The following IGSF9B variants were observed in gnomAD, a reference collection of about 807,000 sequenced individuals.
The protein encoded by IGSF9B is protein turtle homolog B.
IGSF9B carries 48 observed loss-of-function variants against 143.7 expected under a neutral mutation model. That is an observed-to-expected ratio of 0.33 (90% CI 0.26 to 0.42). The LOEUF (loss-of-function observed/expected upper bound fraction) is 0.42. Ranked by LOEUF, IGSF9B falls within the 20% of genes least tolerant of loss-of-function variation. The probability of loss-of-function intolerance (pLI) is 1.00; values close to 1 mark genes in which losing one functional copy is unlikely to be tolerated. For missense variants in IGSF9B, 1,706 were observed against 1,980.0 expected (o/e 0.86, Z 2.63); for synonymous variants, 903 against 833.1 (o/e 1.08, Z -1.44).
rs566295336 is a variant in IGSF9B, at chr11:133,948,924, C to T, written c.65-2666G>A. Among the ~76,000 whole-genome samples, 4 of 152,254 alleles carry T rather than the reference C, an allele frequency of 2.6e-5. No homozygotes were observed. The highest frequency in any genetic ancestry group is 2.1e-4 in the South Asian group (1 of 4,828). The stretch of plus-strand genomic sequence containing the variant: ...ACGCCAGGAGGTGGGTTGGCTTTGA[C>T]GTGGGTTCCCGCTGTGAGGCTGCTC... On this transcript the variant is annotated intron_variant, in intron 1 of 19. Transcript: ENST00000533871. The surrounding 1 kb of genome is among the most constrained non-coding windows in gnomAD (Gnocchi z 4.7).
Position 133,946,792 on chromosome 11 carries a change from G to A in IGSF9B, c.65-534C>T, listed in dbSNP as rs141637613. ...CTCCACCCCACCCCCAGCTCAGCCC[G>A]ATGTGCATGGCACAAAACAAGGGTA... On this transcript the variant is annotated intron_variant, in intron 1 of 19. Transcript: ENST00000533871. Among the ~76,000 whole-genome samples, 64 of 152,196 alleles carry A rather than the reference G, an allele frequency of 4.2e-4. No homozygotes were observed. The East Asian group carries it at 6.0e-3, about 14-fold the overall frequency.
intron 2 of IGSF9B, 54 bp from the exon 3 acceptor site, chr11:133,944,420 C>A: frequency 6.3e-7 from 1 of 1,575,920 alleles, no homozygotes; most frequent in Non-Finnish European, 8.7e-7. Context: ...AGGACAGCAG[C>A]TCCCCGCCCC....
chr11:133,950,442 G>C (rs1004310734), intron 1 of IGSF9B, among the ~76,000 whole-genome samples: 5 of 152,232 alleles, frequency 3.3e-5, no homozygotes. Flanking sequence ...TGAAAAATGA[G>C]CAAACGGGGA....
rs1939125765 is a variant in IGSF9B at position 133,901,819 on chromosome 11, A to G, written c.*7250T>C. ...ACACCACACACAACAGACACACCAC[A>G]CCACACACACAAACACACACACACC... On this transcript the variant is annotated 3_prime_UTR_variant, in exon 20 of 20. Coordinates refer to ENST00000533871, the MANE Select transcript of IGSF9B (RefSeq NM_001277285.4). 6.7e-6 allele frequency among the ~76,000 whole-genome samples: 1 copy of G among 149,096 alleles called. No individual in the cohort carries two copies. Among genetic ancestry groups the G allele is most frequent in the Admixed American group, 6.7e-5 (1 of 14,900 alleles).
chr11:133,947,191 C>T (rs1940069932), intron 1 of IGSF9B, among the ~76,000 whole-genome samples: 1 of 152,160 alleles, frequency 6.6e-6, no homozygotes, highest in Admixed American at 6.5e-5. Context: ...AGAGGAAGAG[C>T]CACGCACCCC....
At chr11:133,950,499 C>T (rs991832302) in intron 1 of IGSF9B, among the ~76,000 whole-genome samples, 2 of 152,248 alleles carry the variant, frequency 1.3e-5, no homozygotes. Flanking sequence ...GTGCCCGATG[C>T]ACGGATGGTG....
chr11:133,953,560 G>A lies in IGSF9B; in HGVS notation c.64+3131C>T, dbSNP rs1258671382. On this transcript the variant is annotated intron_variant, in intron 1 of 19. Coordinates refer to ENST00000533871, the MANE Select transcript of IGSF9B (RefSeq NM_001277285.4). The surrounding 1 kb of genome is among the most constrained non-coding windows in gnomAD (Gnocchi z 4.2). ...ATCTTCATTACCAAAAGGAAGCATA[G>A]GTCAAGGCCAGGTAGAAAGTAGAGG... 6.6e-6 allele frequency among the ~76,000 whole-genome samples: 1 copy of A among 152,232 alleles called. No homozygotes were observed. The highest frequency in any genetic ancestry group is 2.1e-4 in the South Asian group (1 of 4,832).
At chr11:133,955,148 A>T (rs1460712013) in intron 1 of IGSF9B, among the ~76,000 whole-genome samples, 1 of 152,064 alleles carries the variant, frequency 6.6e-6, no homozygotes, top group Non-Finnish European at 1.5e-5. Flanking sequence ...GGGGAGGAGG[A>T]TGCGGGCATT....
chr11:133,940,028 AACAT>A, intron 3 of IGSF9B, among the ~76,000 whole-genome samples: 1 of 145,192 alleles, frequency 6.9e-6, no homozygotes, highest in South Asian at 2.2e-4. Flanking sequence ...CACATGCAAA[AACAT>A]ACACCTCGCA....
At chr11:133,925,616 G>C (rs1939609209) in intron 14 of IGSF9B, 123 bp downstream of exon 14, 1 of 702,256 alleles carries the variant, frequency 1.4e-6, no homozygotes, top group Admixed American at 2.1e-5. Context: ...CCAGTGGTGA[G>C]GAGGTACAGG....
At chr11:133,938,043 AC>A in intron 3 of IGSF9B, 82 bp from the exon 4 acceptor site, 4 of 1,453,266 alleles carry the variant, frequency 2.8e-6, no homozygotes, top group Non-Finnish European at 3.8e-6. Context: ...CCCACACATC[AC>A]CCTCGCTGCG....
rs1377786838 is a variant in IGSF9B at position 133,901,493 on chromosome 11, C to T, written c.*7576G>A. The T allele has an allele frequency of 6.6e-6, 1 of 152,258 alleles. No homozygotes were observed. The highest frequency in any genetic ancestry group is 1.5e-5 in the Non-Finnish European group (1 of 68,028). 9.4% of individuals were successfully genotyped at this position (152,258 alleles called of 1,614,324 possible). A position where few individuals can be genotyped will look rare whatever the true frequency, so the allele number is the denominator to read the frequency against. Reference sequence around the variant, plus strand: ...CCTGCCCATCTTGCCCGGCACTCATCTCTTGCCCTCCCGCTCCCCACACCC... The same window carrying T: ...CCTGCCCATCTTGCCCGGCACTCATTTCTTGCCCTCCCGCTCCCCACACCC... On this transcript the variant is annotated 3_prime_UTR_variant, in exon 20 of 20. Transcript: ENST00000533871.
intron 19 of IGSF9B, among the ~76,000 whole-genome samples, chr11:133,910,497 T>C (rs1939285325): frequency 6.6e-6 from 1 of 152,170 alleles, no homozygotes; most frequent in African/African-American, 2.4e-5. Flanking sequence ...AAGGGAAGAA[T>C]CTGGGAATTA....
chr11:133,930,504 C>T (rs1479748593), intron 11 of IGSF9B, among the ~76,000 whole-genome samples: 1 of 152,152 alleles, frequency 6.6e-6, no homozygotes. Flanking sequence ...TCCTGGGACA[C>T]GCGCTTCGGG....
chr11:133,922,142 A>C (rs989564629), intron 17 of IGSF9B, 35 bp downstream of exon 17: 2 of 1,600,936 alleles, frequency 1.2e-6, no homozygotes, highest in African/African-American at 2.7e-5. Context: ...CCCTGCCATG[A>C]ACAGCACAAT....
Position 133,919,927 on chromosome 11 carries a change from A to G in IGSF9B, c.3798T>C (p.Ser1266=). Residue 1266 remains serine, a synonymous_variant, in exon 18 of 20, where the codon AGT becomes AGC. Coordinates refer to ENST00000533871, the MANE Select transcript of IGSF9B (RefSeq NM_001277285.4). The part of the protein sequence containing the change: ...GSPSQSSRSG[S]PSYRPAMGFT... ...AGCCCATGGCGGGCCGGTAGCTGGG[A>G]CTCCCACTGCGGCTGCTCTGGGAGG... is the stretch of plus-strand genomic sequence containing the variant. 2 of 1,555,644 alleles carry G rather than the reference A, an allele frequency of 1.3e-6. No homozygotes were observed. Among genetic ancestry groups the G allele is most frequent in the South Asian group, 1.2e-5 (1 of 83,686 alleles).
At chr11:133,929,856 G>A (rs917870113) in intron 11 of IGSF9B, 74 bp from the exon 12 acceptor site, 8 of 991,842 alleles carry the variant, frequency 8.1e-6, no homozygotes, top group African/African-American at 1.6e-5. Context: ...GTCTGGCTGT[G>A]GGGAACCTGA....
Position 133,937,899 on chromosome 11 carries a change from T to C in IGSF9B, c.472A>G (p.Thr158Ala). The change falls in exon 4 of 20, where the codon ACC becomes GCC. Residue 158 changes from threonine to alanine, a missense_variant. Transcript: ENST00000533871. ...YIEAKEGGSI[T>A]MTCTAFGNPK... ...TTCCCAAAAGCTGTGCAGGTCATGG[T>C]GATACTACCACCCTCCTTGGCCTCG... 6.2e-7 allele frequency: 1 copy of C among 1,612,846 alleles called. No homozygotes were observed. The highest frequency in any genetic ancestry group is 8.5e-7 in the Non-Finnish European group (1 of 1,179,432).
chr11:133,923,318 G>A (rs1325923582), intron 15 of IGSF9B, among the ~76,000 whole-genome samples: 2 of 152,184 alleles, frequency 1.3e-5, no homozygotes, highest in African/African-American at 2.4e-5. Flanking sequence ...ACAAAATTCA[G>A]ATCCTCTCCC....
Sources: gnomAD v4.1 joint callset for allele counts (sites outside exome capture counted in the v4.1 genomes callset) on GRCh38, gnomAD v4.1.1 for gene constraint, Gnocchi (gnomAD v3.1) non-coding constraint, MANE v1.5 for transcripts, NCBI Gene and HGNC (gene_info 2026-07-23, HGNC 2026-07-21) for gene names.